The following COL14A1 variants were observed in gnomAD, a reference collection of about 807,000 sequenced individuals.
The protein encoded by COL14A1 is collagen alpha-1(XIV) chain.
A neutral mutation model predicts 230.3 loss-of-function variants in COL14A1; 136 were observed. The ratio of observed to expected loss-of-function variants is 0.59; its 90% CI spans 0.51 to 0.68. The LOEUF (loss-of-function observed/expected upper bound fraction) is 0.68, where lower values mean the gene tolerates loss of function less well. Among genes scored for constraint, COL14A1 ranks in the 30% least tolerant of loss-of-function variants. The pLI is 0.00. For synonymous variants in COL14A1, 792 were observed against 784.1 expected (o/e 1.01, Z -0.17); for missense variants, 1,976 against 2,215.8 (o/e 0.89, Z 2.17).
At chr8:120,135,523 C>T (rs1293421619) in intron 1 of COL14A1, among the ~76,000 whole-genome samples, 1 of 152,154 alleles carries the variant, frequency 6.6e-6, no homozygotes, top group Non-Finnish European at 1.5e-5. Flanking sequence ...TCTTGGCCTC[C>T]CAAAGTGCTG....
chr8:120,260,372 A>C (rs1347584540), intron 23 of COL14A1, among the ~76,000 whole-genome samples: 1 of 152,276 alleles, frequency 6.6e-6, no homozygotes, highest in South Asian at 2.1e-4. Flanking sequence ...AAAATAGACA[A>C]AAATTGTGTA....
Position 120,286,356 on chromosome 8 carries a change from T to C in COL14A1, c.4077+386T>C, listed in dbSNP as rs546206265. On this transcript the variant is annotated intron_variant, in intron 33 of 47. Transcript: ENST00000297848. Reference sequence around the variant, plus strand: ...GCAGAAGAAAGCACAATCAGCTGAATCATCTTAAAATGTGCAGATAGGGAT... The same window carrying C: ...GCAGAAGAAAGCACAATCAGCTGAACCATCTTAAAATGTGCAGATAGGGAT... Among the ~76,000 whole-genome samples, 6 of 152,290 alleles carry C rather than the reference T, an allele frequency of 3.9e-5. No individual in the cohort carries two copies. The South Asian group carries it at 1.0e-3, about 26-fold the overall frequency.
intron 9 of COL14A1, 49 bp from the exon 10 acceptor site, chr8:120,206,894 A>T: frequency 6.5e-7 from 1 of 1,529,764 alleles, no homozygotes; most frequent in Non-Finnish European, 8.8e-7. Context: ...TAGCTTCATA[A>T]GAAATAACTT....
chr8:120,250,010 T>C (rs1285750948), intron 21 of COL14A1, among the ~76,000 whole-genome samples: 2 of 152,180 alleles, frequency 1.3e-5, no homozygotes, highest in Non-Finnish European at 2.9e-5. Flanking sequence ...TAGCAATGAA[T>C]GTTTTTAATG....
At chr8:120,199,621 A>G (rs1466365800) in intron 8 of COL14A1, 55 bp downstream of exon 8, 2 of 1,529,446 alleles carry the variant, frequency 1.3e-6, no homozygotes, top group East Asian at 4.7e-5. Flanking sequence ...ACAACCACTT[A>G]AAACAATATG....
intron 33 of COL14A1, among the ~76,000 whole-genome samples, chr8:120,286,734 C>A (rs7818861): frequency 0.49 from 74,808 of 151,954 alleles, 18,977 homozygotes; most frequent in African/African-American, 0.62. Context: ...TGGTCTCGAT[C>A]TCCTGACCTC....
In COL14A1 at chr8:120,300,588, T is replaced by G. The variant is rs1016889644; in HGVS notation, c.4315-144T>G. 6.1e-6 allele frequency: 4 copies of G among 660,040 alleles called. No homozygotes were observed. In the African/African-American group the frequency reaches 7.2e-5, roughly 12 times the overall value. The allele number at this position is 660,040 out of a possible 1,614,324, so 40.9% of individuals were successfully genotyped here. ...ATTTTTCTTTACAGAAAAGATTTTG[T>G]AATCAGGAGTGAATATTCTCTGCCT... On this transcript the variant is annotated intron_variant, in intron 35 of 47. Coordinates refer to ENST00000297848, the MANE Select transcript of COL14A1 (RefSeq NM_021110.4).
rs1812216144 is a variant in COL14A1 at position 120,373,064 on chromosome 8, C to T, written c.*1833C>T. On this transcript the variant is annotated 3_prime_UTR_variant, in exon 48 of 48. Coordinates refer to ENST00000297848, the MANE Select transcript of COL14A1 (RefSeq NM_021110.4). ...GACTAGGGTGTGTAATCAGTTGCTTCTTATTCTGTGTCTCAGATTTCCTAG... is the reference window on the plus strand; with the variant it reads ...GACTAGGGTGTGTAATCAGTTGCTTTTTATTCTGTGTCTCAGATTTCCTAG... 6.6e-6 allele frequency among the ~76,000 whole-genome samples: 1 copy of T among 152,126 alleles called. No homozygotes were observed. Among genetic ancestry groups the T allele is most frequent in the South Asian group, 2.1e-4 (1 of 4,824 alleles).
chr8:120,205,002 G>T (rs914258048), intron 9 of COL14A1, among the ~76,000 whole-genome samples: 2 of 152,102 alleles, frequency 1.3e-5, no homozygotes, highest in African/African-American at 4.8e-5. Flanking sequence ...GCATGAGGGG[G>T]TTGGGGTGGA....
In COL14A1 at chr8:120,125,169, C is replaced by G. The variant is rs1456906819; in HGVS notation, c.-209C>G. Reference sequence around the variant, plus strand: ...AGCTCCAGGGGGCTGGAAGTGGAAGCGCAGCGGCAGAAGGAGAGGGAGAGA... The same window carrying G: ...AGCTCCAGGGGGCTGGAAGTGGAAGGGCAGCGGCAGAAGGAGAGGGAGAGA... On this transcript the variant is annotated 5_prime_UTR_variant, in exon 1 of 48. Coordinates refer to ENST00000297848, the MANE Select transcript of COL14A1 (RefSeq NM_021110.4). The G allele has an allele frequency of 6.6e-6, 1 of 152,606 alleles. No individual in the cohort carries two copies. Among genetic ancestry groups the G allele is most frequent in the East Asian group, 1.9e-4 (1 of 5,180 alleles). 9.5% of individuals were successfully genotyped at this position (152,606 alleles called of 1,614,324 possible).
At chr8:120,173,233 T>C (rs1563650615) in intron 5 of COL14A1, among the ~76,000 whole-genome samples, 2 of 152,206 alleles carry the variant, frequency 1.3e-5, no homozygotes, top group Non-Finnish European at 2.9e-5. Context: ...AATCCATTAC[T>C]ATCATTATTT....
chr8:120,162,600 G>T (rs376243865), intron 4 of COL14A1, 31 bp downstream of exon 4: 109 of 1,553,552 alleles, frequency 7.0e-5, no homozygotes, highest in African/African-American at 3.6e-4. Flanking sequence ...AAGCACCTCC[G>T]CAGGACTCTG....
chr8:120,260,943 G>C (rs1563702447), intron 23 of COL14A1, among the ~76,000 whole-genome samples: 2 of 152,162 alleles, frequency 1.3e-5, no homozygotes, highest in African/African-American at 2.4e-5. Context: ...CTGAAACTGA[G>C]CTTTAGAGTT....
At chr8:120,238,334 TG>T (rs1440818424) in intron 19 of COL14A1, among the ~76,000 whole-genome samples, 1 of 152,168 alleles carries the variant, frequency 6.6e-6, no homozygotes, top group East Asian at 1.9e-4. Flanking sequence ...AGAGGCAGTC[TG>T]GCTACAGTGG....
intron 1 of COL14A1, among the ~76,000 whole-genome samples, chr8:120,140,896 A>G (rs917208420): frequency 1.2e-4 from 19 of 152,220 alleles, no homozygotes; most frequent in Non-Finnish European, 2.9e-5. Context: ...AAATTATGAC[A>G]GTGTTTTAAG....
rs568080987 is a variant in COL14A1, at chr8:120,363,511, AACC to A, written c.5078-3655_5078-3653del. ...AGGTGATGTGTTGATAGGTGCAGCA[AACC>A]ACCATGGCACACATTTACCTGTGTA... is the stretch of plus-strand genomic sequence containing the variant. On this transcript the variant is annotated intron_variant, in intron 45 of 47. Transcript: ENST00000297848. Among the ~76,000 whole-genome samples the A allele has an allele frequency of 2.3e-4, 35 of 152,348 alleles. No individual in the cohort carries two copies. In the South Asian group the frequency reaches 6.6e-3, roughly 29 times the overall value.
At chr8:120,249,952 T>C (rs1818887360) in intron 21 of COL14A1, among the ~76,000 whole-genome samples, 5 of 152,174 alleles carry the variant, frequency 3.3e-5, no homozygotes, top group Admixed American at 2.0e-4. Flanking sequence ...TCTTAAAGAA[T>C]GAGCATGCAT....
intron 8 of COL14A1, among the ~76,000 whole-genome samples, chr8:120,199,958 G>A (rs1817174713): frequency 1.7e-5 from 2 of 115,578 alleles, no homozygotes; most frequent in South Asian, 5.5e-4. Flanking sequence ...ATACGATCCT[G>A]CAACTACGTA....
chr8:120,195,163 C>T (rs1586755727), intron 5 of COL14A1, among the ~76,000 whole-genome samples: 1 of 152,222 alleles, frequency 6.6e-6, no homozygotes, highest in South Asian at 2.1e-4. Flanking sequence ...TGGAAAAAGT[C>T]AAGATCCTTT....
Sources: allele counts gnomAD v4.1 joint callset (sites outside exome capture counted in the v4.1 genomes callset), GRCh38; gene constraint gnomAD v4.1.1; transcripts MANE v1.5; gene names NCBI Gene and HGNC (gene_info 2026-07-23, HGNC 2026-07-21).